Variants in SHANK2 observed in about 807,000 individuals in gnomAD.
SHANK2 encodes the protein SH3 and multiple ankyrin repeat domains 2, also known as SH3 and multiple ankyrin repeat domains protein 2.
A neutral mutation model predicts 133.7 loss-of-function variants in SHANK2; 43 were observed. The ratio of observed to expected loss-of-function variants is 0.32; its 90% CI spans 0.25 to 0.41. The LOEUF is 0.41. Among genes scored for constraint, SHANK2 ranks in the 10% least tolerant of loss-of-function variants. The pLI is 1.00. For missense variants in SHANK2, 1,994 were observed against 2,235.8 expected (o/e 0.89, Z 2.18); for synonymous variants, 1,017 against 952.8 (o/e 1.07, Z -1.24).
chr11:70,579,601 C>T lies in SHANK2; in HGVS notation c.2062-76670G>A, dbSNP rs1197964527. ...GATGGAGCTGGGCCCCAGGTGGTGT[C>T]TCCCGGGCCTGGGCCGGATCCCAGG... On this transcript the variant is annotated intron_variant, in intron 17 of 25. Coordinates refer to ENST00000601538, the MANE Select transcript of SHANK2 (RefSeq NM_012309.5). Among the ~76,000 whole-genome samples the T allele has an allele frequency of 2.6e-5, 4 of 152,380 alleles. No homozygotes were observed. In the South Asian group the frequency reaches 8.3e-4, roughly 32 times the overall value.
intron 10 of SHANK2, among the ~76,000 whole-genome samples, chr11:70,932,061 T>C (rs1477706161): frequency 6.6e-6 from 1 of 152,236 alleles, no homozygotes; most frequent in Non-Finnish European, 1.5e-5. Flanking sequence ...TGATACGGTA[T>C]CTTCCATCGG....
intron 13 of SHANK2, among the ~76,000 whole-genome samples, chr11:70,800,561 C>T (rs559305958): frequency 4.6e-5 from 7 of 152,322 alleles, no homozygotes; most frequent in East Asian, 1.9e-4. Flanking sequence ...ACTCAGCCCA[C>T]GATTTTTGAA....
At chr11:70,637,827 C>A (rs576971816) in intron 17 of SHANK2, among the ~76,000 whole-genome samples, 1 of 152,372 alleles carries the variant, frequency 6.6e-6, no homozygotes, top group African/African-American at 2.4e-5. Context: ...GCCTTGGTAT[C>A]CCAGCCAGCC....
In SHANK2 at chr11:70,490,280, T is replaced by C; in HGVS notation, c.2547A>G (p.Ser849=). 4 of 1,613,904 alleles carry C rather than the reference T, an allele frequency of 2.5e-6. No homozygotes were observed. Among genetic ancestry groups the C allele is most frequent in the Non-Finnish European group, 3.4e-6 (4 of 1,179,750 alleles). ...IPRGTMRRQK[S]IDSRIFLSGI... ...GGGGAGTGCCACACTTCTTACCTAT[T>C]GATTTCTGCCTTCGCATCGTACCTC... is the stretch of plus-strand genomic sequence containing the variant. Residue 849 remains serine (S), a synonymous_variant, in exon 23 of 26, where the codon TCA becomes TCG. Transcript: ENST00000601538.
intron 25 of SHANK2, among the ~76,000 whole-genome samples, chr11:70,477,907 C>T (rs1330179558): frequency 6.6e-6 from 1 of 152,176 alleles, no homozygotes; most frequent in African/African-American, 2.4e-5. Context: ...TGCTAAGCAA[C>T]CGCTGGGTTC....
chr11:71,118,901 G>T lies in SHANK2; in HGVS notation c.339C>A (p.Gly113=). The change falls in exon 4 of 26, where the codon GGC becomes GGA. Residue 113 remains glycine (G), a synonymous_variant. Transcript: ENST00000601538. ...GGAGCCGCTCCTCATCCAGGAACTT[G>T]CCGTCACGCCCATTGCTGGCCGGCT... ...LFQPASNGRD[G]KFLDEERLLR... The T allele has an allele frequency of 6.4e-7, 1 of 1,551,772 alleles. No individual in the cohort carries two copies. Among genetic ancestry groups the T allele is most frequent in the South Asian group, 1.2e-5 (1 of 84,062 alleles).
chr11:71,215,438 C>A (rs560983584), intron 2 of SHANK2, among the ~76,000 whole-genome samples: 1 of 152,336 alleles, frequency 6.6e-6, no homozygotes, highest in East Asian at 1.9e-4. Context: ...TGCCCATCAG[C>A]AGGGCTCAGG....
rs1379161296 is a variant in SHANK2 at position 70,655,858 on chromosome 11, C to T, written c.2061+3970G>A. On this transcript the variant is annotated intron_variant, in intron 17 of 25. Coordinates refer to ENST00000601538, the MANE Select transcript of SHANK2 (RefSeq NM_012309.5). ...TCATCACCTTGCCTGCCTGTTGGGA[C>T]CCCCGGCATCACCACTGCAGCTTTC... Among the ~76,000 whole-genome samples the T allele has an allele frequency of 4.6e-5, 7 of 152,226 alleles. No homozygotes were observed. The East Asian group carries it at 7.7e-4, about 17-fold the overall frequency.
chr11:71,112,565 G>C (rs745366203), intron 5 of SHANK2, among the ~76,000 whole-genome samples: 1 of 152,136 alleles, frequency 6.6e-6, no homozygotes, highest in African/African-American at 2.4e-5. Flanking sequence ...GCAGCTGCCC[G>C]GACTCTCCAC....
At chr11:70,593,332 G>C (rs565459237) in intron 17 of SHANK2, among the ~76,000 whole-genome samples, 1 of 152,344 alleles carries the variant, frequency 6.6e-6, no homozygotes, top group East Asian at 1.9e-4. Flanking sequence ...GTAGGATATA[G>C]TAATTAAATA....
intron 11 of SHANK2, among the ~76,000 whole-genome samples, chr11:70,844,939 A>T (rs1325475894): frequency 6.6e-5 from 10 of 152,098 alleles, no homozygotes; most frequent in African/African-American, 2.2e-4. Flanking sequence ...AGTGGCTCAC[A>T]CCTGTAATCC....
chr11:71,174,678 C>CAAAAAAAAAAAAAAAAAAAAAAA (rs57374627), intron 2 of SHANK2: 1 of 97,998 alleles, frequency 1.0e-5, no homozygotes, highest in Non-Finnish European at 1.9e-5. Flanking sequence ...GACTCTGTCT[C>CAAAAAAAAAAAAAAAAAAAAAAA]AAAAAAAAAA....
chr11:71,198,369 G>A (rs571328644), intron 2 of SHANK2, among the ~76,000 whole-genome samples: 7 of 152,290 alleles, frequency 4.6e-5, no homozygotes, highest in South Asian at 4.1e-4. Flanking sequence ...TGGAGGGGCC[G>A]GCAGCTCTCG....
chr11:70,694,123 C>A (rs1469698202), intron 15 of SHANK2, among the ~76,000 whole-genome samples: 2 of 152,170 alleles, frequency 1.3e-5, no homozygotes, highest in Non-Finnish European at 1.5e-5. Flanking sequence ...ACTTAAGATT[C>A]CCATTCCCTG....
chr11:70,473,557 C>T lies in SHANK2; in HGVS notation c.4980-118G>A. On this transcript the variant is annotated intron_variant, in intron 25 of 25. Coordinates refer to ENST00000601538, the MANE Select transcript of SHANK2 (RefSeq NM_012309.5). This position sits in a 1 kb window ranked among gnomAD's most constrained non-coding sequence, Gnocchi z 5.9. ...CAAACCATGCCAGAGTGTCTAGTGGCAGATCCACTGGCAGTGAACGAATGA... is the reference window on the plus strand; with the variant it reads ...CAAACCATGCCAGAGTGTCTAGTGGTAGATCCACTGGCAGTGAACGAATGA... 1.1e-6 allele frequency: 1 copy of T among 930,290 alleles called. No individual in the cohort carries two copies. The highest frequency in any genetic ancestry group is 2.0e-5 in the Admixed American group (1 of 50,926). The allele number at this position is 930,290 out of a possible 1,614,324, so 57.6% of individuals were successfully genotyped here.
At chr11:71,229,679 G>A (rs1327922417) in intron 1 of SHANK2, among the ~76,000 whole-genome samples, 1 of 149,824 alleles carries the variant, frequency 6.7e-6, no homozygotes, top group African/African-American at 2.5e-5. Flanking sequence ...AGAATAGCCT[G>A]AACCAGGGAG....
intron 1 of SHANK2, among the ~76,000 whole-genome samples, chr11:71,230,232 G>A (rs1317602880): frequency 9.2e-5 from 14 of 152,084 alleles, no homozygotes; most frequent in African/African-American, 1.2e-4. Flanking sequence ...AGAGGTTGCA[G>A]TGAGTTGAGA....
rs1361735182 is a variant in SHANK2, at chr11:71,175,210, A to T, written c.-12-27872T>A. 3.9e-5 allele frequency among the ~76,000 whole-genome samples: 6 copies of T among 152,180 alleles called. No individual in the cohort carries two copies. Among genetic ancestry groups the T allele is most frequent in the African/African-American group, 1.2e-4 (5 of 41,454 alleles). On this transcript the variant is annotated intron_variant, in intron 2 of 25. Transcript: ENST00000601538. This position sits in a 1 kb window ranked among gnomAD's most constrained non-coding sequence, Gnocchi z 4.2. The stretch of plus-strand genomic sequence containing the variant: ...CTTCGCCAGTGCTTCCTCGGCACCT[A>T]GTCCAACTCAGCACAAGTACGAAGA...
chr11:70,814,847 G>A (rs370300308), intron 12 of SHANK2, among the ~76,000 whole-genome samples: 2 of 152,220 alleles, frequency 1.3e-5, no homozygotes, highest in African/African-American at 4.8e-5. Flanking sequence ...TCCCTGGTGG[G>A]TGAGGCCAGG....
Sources: gnomAD v4.1 joint callset for allele counts (sites outside exome capture counted in the v4.1 genomes callset) on GRCh38, gnomAD v4.1.1 for gene constraint, Gnocchi (gnomAD v3.1) non-coding constraint, MANE v1.5 for transcripts, NCBI Gene and HGNC (gene_info 2026-07-23, HGNC 2026-07-21) for gene names.